The following PAK2 variants were observed in gnomAD, a reference collection of about 807,000 sequenced individuals.
PAK2 encodes the protein serine/threonine-protein kinase PAK 2.
PAK2 carries 21 observed loss-of-function variants against 65.9 expected under a neutral mutation model. That is an observed-to-expected ratio of 0.32 (90% CI 0.23 to 0.46). The LOEUF is 0.46. Among genes scored for constraint, PAK2 ranks in the 20% least tolerant of loss-of-function variants. PAK2 has a pLI of 1.00. For missense variants in PAK2, 324 were observed against 642.6 expected (o/e 0.50, Z 5.36); for synonymous variants, 204 against 219.7 (o/e 0.93, Z 0.63).
At chr3:196,779,238 T>C (rs527599203) in intron 1 of PAK2, among the ~76,000 whole-genome samples, 2 of 152,382 alleles carry the variant, frequency 1.3e-5, no homozygotes, top group South Asian at 2.1e-4. Flanking sequence ...AACATACTTA[T>C]TTGATACTTT....
At chr3:196,811,241 TCCCTCCCTC>T (rs1715790196) in intron 8 of PAK2, among the ~76,000 whole-genome samples, 1 of 20,950 alleles carries the variant, frequency 4.8e-5, no homozygotes, top group African/African-American at 1.4e-4. Flanking sequence ...TTCCCTTCCT[TCCCTCCCTC>T]CCCTCCCTCC....
intron 1 of PAK2, among the ~76,000 whole-genome samples, chr3:196,758,433 G>A (rs928807232): frequency 1.3e-5 from 2 of 152,210 alleles, no homozygotes; most frequent in African/African-American, 2.4e-5. Context: ...AGCACGACAC[G>A]TCCCGTGTCC....
At chr3:196,772,830 T>C (rs1462765392) in intron 1 of PAK2, among the ~76,000 whole-genome samples, 5 of 152,234 alleles carry the variant, frequency 3.3e-5, no homozygotes, top group Non-Finnish European at 5.9e-5. Context: ...GTTGAAAGTC[T>C]GGGTGATTAA....
chr3:196,760,216 TG>T (rs1265920761), intron 1 of PAK2, among the ~76,000 whole-genome samples: 5 of 152,184 alleles, frequency 3.3e-5, no homozygotes, highest in Non-Finnish European at 5.9e-5. Context: ...CTTAAGTAGC[TG>T]GGATGGTGCA....
In PAK2 at chr3:196,829,735, C is replaced by A. The variant is rs1560122696; in HGVS notation, c.*1330C>A. 6.6e-6 allele frequency: 1 copy of A among 152,078 alleles called. No individual in the cohort carries two copies. Among genetic ancestry groups the A allele is most frequent in the East Asian group, 1.9e-4 (1 of 5,192 alleles). The allele number at this position is 152,078 out of a possible 1,614,324, so 9.4% of individuals were successfully genotyped here. On this transcript the variant is annotated 3_prime_UTR_variant, in exon 15 of 15. Coordinates refer to ENST00000327134, the MANE Select transcript of PAK2 (RefSeq NM_002577.4). ...ATAGATCATTTGAGATGTTGAGTTA[C>A]TTTAGTTTAGTTTTGTTTTGTTTTT...
In PAK2 at chr3:196,831,269, G is replaced by C. The variant is rs1454663468; in HGVS notation, c.*2864G>C. The C allele has an allele frequency of 1.3e-5, 2 of 152,118 alleles. No homozygotes were observed. Among genetic ancestry groups the C allele is most frequent in the Non-Finnish European group, 2.9e-5 (2 of 68,032 alleles). 9.4% of individuals were successfully genotyped at this position (152,118 alleles called of 1,614,324 possible). On this transcript the variant is annotated 3_prime_UTR_variant, in exon 15 of 15. Coordinates refer to ENST00000327134, the MANE Select transcript of PAK2 (RefSeq NM_002577.4). ...TGAAAATTCCCATTTAAATCTGAAA[G>C]TTACCTTAATAGTCCTCTTGTGTTA...
intron 1 of PAK2, among the ~76,000 whole-genome samples, chr3:196,764,711 G>A (rs561019586): frequency 1.4e-4 from 22 of 151,770 alleles, no homozygotes; most frequent in South Asian, 6.2e-4. Context: ...TTAAAATAGC[G>A]TCTTGCCACG....
chr3:196,782,582 G>T (rs1208780563), intron 1 of PAK2, 44 bp from the exon 2 acceptor site: 7 of 906,834 alleles, frequency 7.7e-6, no homozygotes, highest in Admixed American at 4.8e-5. Context: ...GCTTGTTCGT[G>T]CTATTTTTTA....
chr3:196,755,513 C>T (rs1713739303), intron 1 of PAK2, among the ~76,000 whole-genome samples: 1 of 148,424 alleles, frequency 6.7e-6, no homozygotes. Flanking sequence ...GGCTGGAGTG[C>T]AGTGGCACAA....
chr3:196,797,483 G>A (rs952918019), intron 2 of PAK2, among the ~76,000 whole-genome samples: 1 of 151,562 alleles, frequency 6.6e-6, no homozygotes, highest in East Asian at 1.9e-4. Flanking sequence ...GCTGGGCGCA[G>A]TGGCTCATGC....
chr3:196,744,006 A>C (rs1305781334), intron 1 of PAK2, among the ~76,000 whole-genome samples: 1 of 152,244 alleles, frequency 6.6e-6, no homozygotes, highest in Non-Finnish European at 1.5e-5. Context: ...AAAAATATGT[A>C]ATAGTTTCAC....
intron 1 of PAK2, among the ~76,000 whole-genome samples, chr3:196,747,728 T>C (rs1713437122): frequency 6.6e-6 from 1 of 152,196 alleles, no homozygotes; most frequent in African/African-American, 2.4e-5. Context: ...TTTTTATAAA[T>C]AGTTCTTACT....
chr3:196,802,345 G>C (rs1715445375), intron 3 of PAK2, among the ~76,000 whole-genome samples: 1 of 151,896 alleles, frequency 6.6e-6, no homozygotes, highest in African/African-American at 2.4e-5. Context: ...AGGTTGCAGT[G>C]AACAGAGACT....
chr3:196,789,799 T>G (rs187493362), intron 2 of PAK2, among the ~76,000 whole-genome samples: 300 of 151,612 alleles, frequency 2.0e-3, no homozygotes, highest in African/African-American at 6.5e-3. Context: ...GACGGGGGGG[T>G]GGTTTCGGTA....
At chr3:196,780,794 T>C (rs1355433016) in intron 1 of PAK2, among the ~76,000 whole-genome samples, 1 of 152,214 alleles carries the variant, frequency 6.6e-6, no homozygotes, top group African/African-American at 2.4e-5. Context: ...TATTTTATTT[T>C]ATTTTATTTT....
chr3:196,786,418 C>A (rs1216390168), intron 2 of PAK2, among the ~76,000 whole-genome samples: 2 of 152,090 alleles, frequency 1.3e-5, no homozygotes, highest in Non-Finnish European at 2.9e-5. Context: ...GCCTCAGCCT[C>A]CCAAAGTGCT....
intron 2 of PAK2, among the ~76,000 whole-genome samples, chr3:196,800,425 A>T (rs1577730640): frequency 6.6e-6 from 1 of 152,170 alleles, no homozygotes; most frequent in Non-Finnish European, 1.5e-5. Flanking sequence ...CTTAAAATTC[A>T]TCTGTATGTA....
chr3:196,788,903 TAC>T (rs1262141037), intron 2 of PAK2, among the ~76,000 whole-genome samples: 1 of 152,048 alleles, frequency 6.6e-6, no homozygotes, highest in Non-Finnish European at 1.5e-5. Context: ...ATGTAGGCAC[TAC>T]AGACAGCAGA....
intron 7 of PAK2, 137 bp from the exon 8 acceptor site, chr3:196,810,453 C>T: frequency 1.6e-5 from 10 of 639,514 alleles, no homozygotes; most frequent in South Asian, 3.6e-5. Context: ...TGTTTGAAAC[C>T]TGTTATTTTT....
Sources: allele counts gnomAD v4.1 joint callset (sites outside exome capture counted in the v4.1 genomes callset), GRCh38; gene constraint gnomAD v4.1.1; transcripts MANE v1.5; gene names NCBI Gene and HGNC (gene_info 2026-07-23, HGNC 2026-07-21).